DMD: variants seen among roughly 807,000 people sequenced by gnomAD.
The protein encoded by DMD is dystrophin.
Under a neutral mutation model 330.1 loss-of-function variants are expected in DMD, and 63 were observed. The ratio of observed to expected loss-of-function variants is 0.19; its 90% CI spans 0.16 to 0.24. The LOEUF (loss-of-function observed/expected upper bound fraction) is 0.24. DMD is among the 10% of genes least tolerant of loss of function. The probability of loss-of-function intolerance (pLI) is 1.00; values close to 1 mark genes in which losing one functional copy is unlikely to be tolerated. For synonymous variants in DMD, 1,223 were observed against 959.8 expected (o/e 1.27, Z -5.07); for missense variants, 3,344 against 2,684.1 (o/e 1.25, Z -5.43).
chrX:31,548,473 G>A (rs185998393), intron 55 of DMD, among the ~76,000 whole-genome samples: 1 of 111,401 alleles, frequency 9.0e-6, no homozygotes, highest in East Asian at 2.8e-4. Flanking sequence ...GAGAGGAATA[G>A]AGAGTGAAAT....
chrX:32,484,667 C>A (rs964637578), intron 21 of DMD, among the ~76,000 whole-genome samples: 3 of 112,040 alleles, frequency 2.7e-5, no homozygotes, highest in Non-Finnish European at 5.6e-5. Flanking sequence ...TTGAAATCTA[C>A]AATCCCCCAA....
rs1259598558 is a variant in DMD at position 32,683,438 on chromosome X, A to T, written c.960+14432T>A. On this transcript the variant is annotated intron_variant, in intron 9 of 78. Coordinates refer to ENST00000357033, the MANE Select transcript of DMD (RefSeq NM_004006.3). ...ACTGGATTAAGAAAATGTGCCACAT[A>T]TACACCATGGAATACTATGCAGCCA... Among the ~76,000 whole-genome samples, 6 of 109,680 alleles carry T rather than the reference A, an allele frequency of 5.5e-5. No individual in the cohort carries two copies. The Admixed American group carries it at 5.9e-4, about 11-fold the overall frequency.
intron 41 of DMD, among the ~76,000 whole-genome samples, chrX:32,325,421 T>A (rs2097646151): frequency 8.9e-6 from 1 of 111,889 alleles, no homozygotes. Context: ...TATTTATCAG[T>A]AGGCATGGCC....
chrX:32,449,578 A>AC lies in DMD; in HGVS notation c.3604-941dup, dbSNP rs778629929. Among the ~76,000 whole-genome samples the AC allele has an allele frequency of 2.4e-3, 249 of 105,138 alleles. 1 individual carries two copies. Among genetic ancestry groups the AC allele is most frequent in the Non-Finnish European group, 3.8e-3 (192 of 50,906 alleles). 91.3% of individuals were successfully genotyped at this position (105,138 alleles called of 115,157 possible). A position where few individuals can be genotyped will look rare whatever the true frequency, so the allele number is the denominator to read the frequency against. On this transcript the variant is annotated intron_variant, in intron 26 of 78. Transcript: ENST00000357033. ...ATCCCCTAACACAAGCACAAATCCTACAATGTTTTTTTTTTTTTTCATCCA... is the reference window on the plus strand; with the variant it reads ...ATCCCCTAACACAAGCACAAATCCTACCAATGTTTTTTTTTTTTTTCATCCA...
chrX:32,956,728 C>T (rs2091613813), intron 2 of DMD, among the ~76,000 whole-genome samples: 1 of 111,087 alleles, frequency 9.0e-6, no homozygotes, highest in Non-Finnish European at 1.9e-5. Context: ...GTCAGGACTT[C>T]TAATACTATG....
At chrX:31,590,166 T>TA (rs370850067) in intron 55 of DMD, among the ~76,000 whole-genome samples, 110 of 105,901 alleles carry the variant, frequency 1.0e-3, no homozygotes, top group Middle Eastern at 4.9e-3. Context: ...GTAAACTAAG[T>TA]AAAAAAAAAA....
chrX:32,340,321 A>T (rs2097735335), intron 41 of DMD, among the ~76,000 whole-genome samples: 1 of 112,108 alleles, frequency 8.9e-6, no homozygotes, highest in Non-Finnish European at 1.9e-5. Context: ...GATCTTTAAT[A>T]TATAAAACTT....
intron 44 of DMD, among the ~76,000 whole-genome samples, chrX:32,053,516 G>T (rs1236833049): frequency 1.8e-5 from 2 of 111,078 alleles, no homozygotes; most frequent in African/African-American, 6.6e-5. Flanking sequence ...TAGCACAGCT[G>T]GCAAAGCTCT....
At chrX:33,319,765 C>T (rs1392822421) in intron 1 of DMD, among the ~76,000 whole-genome samples, 17 of 111,914 alleles carry the variant, frequency 1.5e-4, no homozygotes, top group Admixed American at 3.8e-4. Flanking sequence ...GACAAGTTGG[C>T]TTAAAAGGGA....
intron 53 of DMD, among the ~76,000 whole-genome samples, chrX:31,671,846 A>G (rs2081815832): frequency 9.0e-6 from 1 of 111,445 alleles, no homozygotes; most frequent in Non-Finnish European, 1.9e-5. Flanking sequence ...TCAAATAACT[A>G]AATTTCTAGA....
intron 7 of DMD, among the ~76,000 whole-genome samples, chrX:32,764,077 C>T (rs1018845190): frequency 2.8e-5 from 3 of 108,240 alleles, no homozygotes; most frequent in Non-Finnish European, 5.7e-5. Context: ...CTACATAATT[C>T]CATTTGGGTT....
chrX:32,677,193 C>G (rs1031027519), intron 9 of DMD, among the ~76,000 whole-genome samples: 7 of 110,912 alleles, frequency 6.3e-5, no homozygotes, highest in Admixed American at 5.8e-4. Context: ...TATAACCACA[C>G]AAATAATTTA....
intron 57 of DMD, among the ~76,000 whole-genome samples, chrX:31,489,878 T>G (rs2069122652): frequency 8.9e-6 from 1 of 112,140 alleles, no homozygotes; most frequent in African/African-American, 3.2e-5. Context: ...CATCAAAATA[T>G]TTTGACAAAG....
At chrX:31,327,717 G>A (rs1040773059) in intron 61 of DMD, among the ~76,000 whole-genome samples, 1 of 111,964 alleles carries the variant, frequency 8.9e-6, no homozygotes, top group African/African-American at 3.2e-5. Flanking sequence ...CTCTGGGGTT[G>A]AACAAAAGGC....
intron 1 of DMD, among the ~76,000 whole-genome samples, chrX:33,053,143 T>C (rs1369550607): frequency 8.9e-6 from 1 of 111,787 alleles, no homozygotes; most frequent in Non-Finnish European, 1.9e-5. Flanking sequence ...TAATTACTCA[T>C]TTAATTACTC....
intron 6 of DMD, among the ~76,000 whole-genome samples, chrX:32,810,412 A>G (rs747183918): frequency 1.8e-5 from 2 of 111,249 alleles, no homozygotes; most frequent in Non-Finnish European, 3.8e-5. Flanking sequence ...ACAAGCTTCA[A>G]GTGTCCTGAA....
intron 57 of DMD, among the ~76,000 whole-genome samples, chrX:31,480,399 G>C (rs2068169035): frequency 9.0e-6 from 1 of 111,533 alleles, no homozygotes; most frequent in Admixed American, 9.6e-5. Flanking sequence ...CTGGAGTTCT[G>C]TAAGTAGAAT....
At chrX:31,622,805 A>C (rs1458106391) in intron 55 of DMD, among the ~76,000 whole-genome samples, 1 of 104,217 alleles carries the variant, frequency 9.6e-6, no homozygotes, top group Non-Finnish European at 2.0e-5. Context: ...GCAGGTGTTT[A>C]GCAAAGATAC....
intron 52 of DMD, among the ~76,000 whole-genome samples, chrX:31,696,552 T>G (rs554580694): frequency 8.9e-6 from 1 of 112,180 alleles, no homozygotes; most frequent in Middle Eastern, 4.6e-3. Flanking sequence ...GTTTCTTGAT[T>G]TGGATGCTAT....
Sources: gnomAD v4.1 joint callset for allele counts (sites outside exome capture counted in the v4.1 genomes callset) on GRCh38, gnomAD v4.1.1 for gene constraint, MANE v1.5 for transcripts, NCBI Gene and HGNC (gene_info 2026-07-23, HGNC 2026-07-21) for gene names.